The following CSMD3 variants were observed in gnomAD, a reference collection of about 807,000 sequenced individuals.
CSMD3 encodes the protein CUB and sushi domain-containing protein 3.
In CSMD3, 177 loss-of-function variants were observed where a neutral mutation model predicts 435.2. That is an observed-to-expected ratio of 0.41 (90% CI 0.36 to 0.46). The LOEUF (loss-of-function observed/expected upper bound fraction) is 0.46, where lower values mean the gene tolerates loss of function less well. CSMD3 is among the 20% of genes least tolerant of loss of function. CSMD3 has a pLI of 0.34. For synonymous variants in CSMD3, 1,656 were observed against 1,520.5 expected (o/e 1.09, Z -2.07); for missense variants, 4,265 against 4,504.6 (o/e 0.95, Z 1.52).
intron 1 of CSMD3, among the ~76,000 whole-genome samples, chr8:113,372,931 A>G (rs1426468651): frequency 8.5e-6 from 1 of 116,964 alleles, no homozygotes; most frequent in East Asian, 2.6e-4. Context: ...ACAGAGCGAG[A>G]CTCCGTCTCA....
At chr8:112,913,915 C>T (rs1040807701) in intron 10 of CSMD3, among the ~76,000 whole-genome samples, 1 of 151,902 alleles carries the variant, frequency 6.6e-6, no homozygotes, top group Non-Finnish European at 1.5e-5. Flanking sequence ...CATTTTTCTG[C>T]AGTAGCTCTT....
At chr8:112,383,345 T>A (rs1035849004) in intron 37 of CSMD3, among the ~76,000 whole-genome samples, 1 of 152,146 alleles carries the variant, frequency 6.6e-6, no homozygotes, top group African/African-American at 2.4e-5. Flanking sequence ...CATCAATAAA[T>A]AATTACACAA....
At position 112,680,120 on chromosome 8, in the gene CSMD3, C is replaced by T. The variant is rs1456717872; in HGVS notation, c.2677+2322G>A. 4.6e-5 allele frequency among the ~76,000 whole-genome samples: 7 copies of T among 152,048 alleles called. No homozygotes were observed. In the East Asian group the frequency reaches 7.7e-4, roughly 17 times the overall value. On this transcript the variant is annotated intron_variant, in intron 16 of 70. Coordinates refer to ENST00000297405, the MANE Select transcript of CSMD3 (RefSeq NM_198123.2). Reference sequence around the variant, plus strand: ...CTGTAATCCCAGCACTTTGGGAGGCCGAGGCAGGCGGATGACCTGAGGTCA... The same window carrying T: ...CTGTAATCCCAGCACTTTGGGAGGCTGAGGCAGGCGGATGACCTGAGGTCA...
intron 67 of CSMD3, among the ~76,000 whole-genome samples, chr8:112,236,275 C>T (rs1342271250): frequency 1.3e-5 from 2 of 151,642 alleles, no homozygotes; most frequent in Non-Finnish European, 2.9e-5. Context: ...GTTTATATTT[C>T]ATATTTGCAA....
chr8:112,654,318 T>C (rs1038311465), intron 18 of CSMD3, among the ~76,000 whole-genome samples: 1 of 152,160 alleles, frequency 6.6e-6, no homozygotes, highest in Non-Finnish European at 1.5e-5. Flanking sequence ...GTTGGTTTCT[T>C]GATAAGAAAG....
chr8:112,649,556 C>T (rs904074479), intron 19 of CSMD3, among the ~76,000 whole-genome samples: 1 of 152,146 alleles, frequency 6.6e-6, no homozygotes, highest in Admixed American at 6.6e-5. Flanking sequence ...GCAAGCACTT[C>T]CCAATCTTAG....
intron 13 of CSMD3, among the ~76,000 whole-genome samples, chr8:112,774,430 T>A (rs1278267593): frequency 6.6e-6 from 1 of 152,078 alleles, no homozygotes; most frequent in African/African-American, 2.4e-5. Context: ...GTTTTCCATA[T>A]AAAGAGCCCA....
Position 113,407,216 on chromosome 8 carries a change from A to G in CSMD3, c.178+29461T>C, listed in dbSNP as rs530248348. 9.3e-4 allele frequency among the ~76,000 whole-genome samples: 141 copies of G among 152,284 alleles called. 1 individual carries two copies. Among genetic ancestry groups the G allele is most frequent in the Admixed American group, 4.2e-3 (64 of 15,282 alleles). The stretch of plus-strand genomic sequence containing the variant: ...AAATAAACTATGGAAGTTTCATCTG[A>G]TCACAAAAGAATTTGATGTTAAATT... On this transcript the variant is annotated intron_variant, in intron 1 of 70. Coordinates refer to ENST00000297405, the MANE Select transcript of CSMD3 (RefSeq NM_198123.2).
chr8:112,440,644 C>T (rs551640699), intron 32 of CSMD3, among the ~76,000 whole-genome samples: 17 of 152,212 alleles, frequency 1.1e-4, no homozygotes, highest in Non-Finnish European at 2.1e-4. Context: ...TGTTCCCACA[C>T]ATCCTCTGAA....
intron 1 of CSMD3, among the ~76,000 whole-genome samples, chr8:113,328,068 CACACACACAGACACACACAG>C (rs1159025003): frequency 6.6e-6 from 1 of 151,830 alleles, no homozygotes; most frequent in Non-Finnish European, 1.5e-5. Flanking sequence ...TGTGCCCAAA[CACACACACAGACACACACAG>C]ACACACACAG....
intron 45 of CSMD3, among the ~76,000 whole-genome samples, chr8:112,326,920 G>T (rs1020300279): frequency 6.6e-6 from 1 of 152,180 alleles, no homozygotes; most frequent in Non-Finnish European, 1.5e-5. Context: ...TACTTGGGAG[G>T]CTGAGGCAGA....
At chr8:112,274,190 T>C (rs974450356) in intron 59 of CSMD3, among the ~76,000 whole-genome samples, 1 of 149,784 alleles carries the variant, frequency 6.7e-6, no homozygotes, top group African/African-American at 2.5e-5. Context: ...ACCTTCCATC[T>C]GAAAGAACCA....
At chr8:112,530,891 G>T (rs545382227) in intron 27 of CSMD3, among the ~76,000 whole-genome samples, 1 of 152,174 alleles carries the variant, frequency 6.6e-6, no homozygotes, top group Non-Finnish European at 1.5e-5. Context: ...CTAGCTGACT[G>T]AAATGGTCTT....
chr8:112,274,561 C>T (rs1817850326), intron 59 of CSMD3, among the ~76,000 whole-genome samples: 1 of 152,166 alleles, frequency 6.6e-6, no homozygotes, highest in African/African-American at 2.4e-5. Flanking sequence ...CCTGAGGAAA[C>T]TGCCCATGGT....
chr8:113,224,464 A>T (rs66759243), intron 3 of CSMD3, among the ~76,000 whole-genome samples: 21,053 of 151,186 alleles, frequency 0.14, 1,672 homozygotes, highest in Middle Eastern at 0.21. Flanking sequence ...TTATTCTCAA[A>T]CTGTGTCACC....
chr8:112,938,010 G>T lies in CSMD3; in HGVS notation c.1508+9780C>A, dbSNP rs371785005. Among the ~76,000 whole-genome samples the T allele has an allele frequency of 9.9e-5, 15 of 152,264 alleles. 1 individual carries two copies. The highest frequency in any genetic ancestry group is 3.6e-4 in the African/African-American group (15 of 41,568). On this transcript the variant is annotated intron_variant, in intron 9 of 70. Coordinates refer to ENST00000297405, the MANE Select transcript of CSMD3 (RefSeq NM_198123.2). ...TGATCGTATGAATTGGTTCATTCTT[G>T]CCATACCCAACTAAAACAGTCGAGA...
intron 13 of CSMD3, among the ~76,000 whole-genome samples, chr8:112,715,444 CA>C (rs1563886401): frequency 1.3e-5 from 2 of 151,888 alleles, no homozygotes; most frequent in South Asian, 2.1e-4. Context: ...TCATACCAAC[CA>C]AAAAAAATCT....
At chr8:113,053,608 A>T (rs2088190625) in intron 5 of CSMD3, among the ~76,000 whole-genome samples, 1 of 152,114 alleles carries the variant, frequency 6.6e-6, no homozygotes, top group Non-Finnish European at 1.5e-5. Flanking sequence ...TTATACATAT[A>T]CAAGTGAAAA....
chr8:113,011,996 C>T (rs1448848453), intron 6 of CSMD3, among the ~76,000 whole-genome samples: 1 of 151,610 alleles, frequency 6.6e-6, no homozygotes, highest in East Asian at 1.9e-4. Context: ...AAAAGAATTT[C>T]CAAGTGAAAG....
Sources: gnomAD v4.1 joint callset for allele counts (sites outside exome capture counted in the v4.1 genomes callset) on GRCh38, gnomAD v4.1.1 for gene constraint, MANE v1.5 for transcripts, NCBI Gene and HGNC (gene_info 2026-07-23, HGNC 2026-07-21) for gene names.